The following CFAP20DC variants were observed in gnomAD, a reference collection of about 807,000 sequenced individuals.
The protein encoded by CFAP20DC is CFAP20 domain containing.
Under a neutral mutation model 101.7 loss-of-function variants are expected in CFAP20DC, and 84 were observed. The ratio of observed to expected loss-of-function variants is 0.83; its 90% CI spans 0.69 to 0.99. The LOEUF (loss-of-function observed/expected upper bound fraction) is 0.99, where lower values mean the gene tolerates loss of function less well. CFAP20DC is among the 50% of genes least tolerant of loss of function. The pLI is 0.00. For missense variants in CFAP20DC, 1,007 were observed against 970.3 expected (o/e 1.04, Z -0.50); for synonymous variants, 359 against 351.2 (o/e 1.02, Z -0.25).
At position 58,863,098 on chromosome 3, in the gene CFAP20DC, A is replaced by G; in HGVS notation, c.1593+460T>C. On this transcript the variant is annotated intron_variant, in intron 12 of 16. Coordinates refer to ENST00000482387, the MANE Select transcript of CFAP20DC (RefSeq NM_001394063.1). This position sits in a 1 kb window ranked among gnomAD's most constrained non-coding sequence, Gnocchi z 5.9. ...ACAACTCTTCAAATTCTGGGACCAT[A>G]TGGAAAATAATGAGTCCTAATAGGT... 2 of 1,000,436 alleles carry G rather than the reference A, an allele frequency of 2.0e-6. No homozygotes were observed. Among genetic ancestry groups the G allele is most frequent in the Non-Finnish European group, 2.4e-6 (2 of 840,406 alleles). The allele number at this position is 1,000,436 out of a possible 1,614,324, so 62.0% of individuals were successfully genotyped here. A position where few individuals can be genotyped will look rare whatever the true frequency, so the allele number is the denominator to read the frequency against.
chr3:58,791,308 G>A (rs1479530937), intron 15 of CFAP20DC, among the ~76,000 whole-genome samples: 1 of 152,060 alleles, frequency 6.6e-6, no homozygotes, highest in Non-Finnish European at 1.5e-5. Flanking sequence ...AACATGTTAT[G>A]AGTATTATTT....
chr3:58,870,350 T>C, intron 7 of CFAP20DC, 41 bp from the exon 8 acceptor site: 1 of 1,590,702 alleles, frequency 6.3e-7, no homozygotes. Flanking sequence ...CATTAATGGG[T>C]GTAATGACAA....
chr3:58,938,026 G>A (rs1051680483), intron 4 of CFAP20DC, among the ~76,000 whole-genome samples: 10 of 152,118 alleles, frequency 6.6e-5, no homozygotes, highest in African/African-American at 2.2e-4. Context: ...CAGTCCTCCA[G>A]CCTATGAAAG....
chr3:59,046,493 G>A (rs1216695873), intron 2 of CFAP20DC, among the ~76,000 whole-genome samples, 171 bp from the exon 3 acceptor site: 1 of 152,148 alleles, frequency 6.6e-6, no homozygotes, highest in Non-Finnish European at 1.5e-5. Flanking sequence ...CTAGAATACG[G>A]AGGCATGGTG....
At chr3:58,983,345 C>T (rs547755287) in intron 4 of CFAP20DC, among the ~76,000 whole-genome samples, 1 of 152,208 alleles carries the variant, frequency 6.6e-6, no homozygotes. Flanking sequence ...ACTTTTTTGT[C>T]ATTTTAATTC....
intron 5 of CFAP20DC, among the ~76,000 whole-genome samples, chr3:58,917,155 T>C (rs778722357): frequency 2.6e-5 from 4 of 152,172 alleles, no homozygotes; most frequent in Non-Finnish European, 5.9e-5. Context: ...GTTTATGCTA[T>C]TTATTTCCAG....
intron 4 of CFAP20DC, among the ~76,000 whole-genome samples, chr3:59,027,457 T>C (rs1368795021): frequency 6.6e-6 from 1 of 152,120 alleles, no homozygotes; most frequent in Non-Finnish European, 1.5e-5. Context: ...AGGGTCTCAG[T>C]GTTTTCAACC....
chr3:58,905,311 T>C (rs1191810750), intron 6 of CFAP20DC, among the ~76,000 whole-genome samples: 4 of 152,230 alleles, frequency 2.6e-5, no homozygotes, highest in African/African-American at 9.6e-5. Context: ...CCCCTTGTTT[T>C]TCTCCTCTTT....
chr3:59,031,684 C>T (rs913631234), intron 4 of CFAP20DC, among the ~76,000 whole-genome samples: 2 of 152,104 alleles, frequency 1.3e-5, no homozygotes, highest in South Asian at 4.1e-4. Context: ...TTCTATCTAT[C>T]TTTTATCACC....
chr3:58,921,917 T>C (rs941636740), intron 5 of CFAP20DC, among the ~76,000 whole-genome samples: 15 of 152,258 alleles, frequency 9.9e-5, no homozygotes, highest in African/African-American at 3.1e-4. Flanking sequence ...TTATATCTTC[T>C]TCATCATTTA....
At chr3:58,890,644 G>A (rs1398715973) in intron 6 of CFAP20DC, among the ~76,000 whole-genome samples, 1 of 150,828 alleles carries the variant, frequency 6.6e-6, no homozygotes, top group Admixed American at 6.6e-5. Flanking sequence ...GTGGCTGCTG[G>A]GCGGAGGGGC....
At chr3:58,811,298 C>CA (rs1425797745) in intron 14 of CFAP20DC, among the ~76,000 whole-genome samples, 2 of 152,112 alleles carry the variant, frequency 1.3e-5, no homozygotes, top group East Asian at 3.9e-4. Context: ...TACCTGACTG[C>CA]AAAGTATACT....
At chr3:58,808,056 G>C (rs190897994) in intron 14 of CFAP20DC, among the ~76,000 whole-genome samples, 3 of 152,140 alleles carry the variant, frequency 2.0e-5, no homozygotes, top group African/African-American at 7.2e-5. Context: ...AAGAAATATG[G>C]GACTACGTGA....
rs545378264 is a variant in CFAP20DC, at chr3:58,937,656, G to A, written c.385C>T (p.Arg129Cys). 3.8e-6 allele frequency: 6 copies of A among 1,585,184 alleles called. No homozygotes were observed. Among genetic ancestry groups the A allele is most frequent in the East Asian group, 2.2e-5 (1 of 44,686 alleles). Residue 129 changes from arginine to cysteine, a missense_variant, in exon 5 of 17, where the codon CGT becomes TGT. Physicochemically the swap from Arg to Cys is radical, Grantham distance 180. Coordinates refer to ENST00000482387, the MANE Select transcript of CFAP20DC (RefSeq NM_001394063.1). ...HAKIPLFMIK[R>C]KIWCNLCIDL... is the part of the protein sequence containing the mutation. ...ATTCATGTGATACTTACAATTTTAC[G>A]TTTGATCATGAAGAGTGGAATTTTT...
rs1439478199 is a variant in CFAP20DC, at chr3:58,912,249, T to C, written c.550+1459A>G. On this transcript the variant is annotated intron_variant, in intron 6 of 16. Transcript: ENST00000482387. The surrounding 1 kb of genome is among the most constrained non-coding windows in gnomAD (Gnocchi z 4.4). ...TTTTAAAATATTAATCAGGTTATGA[T>C]TCACCTCCTATGATCTGATGTACAC... Among the ~76,000 whole-genome samples the C allele has an allele frequency of 6.6e-6, 1 of 152,150 alleles. No homozygotes were observed. Among genetic ancestry groups the C allele is most frequent in the Admixed American group, 6.6e-5 (1 of 15,254 alleles).
In CFAP20DC at chr3:58,912,999, C is replaced by T. The variant is rs958307987; in HGVS notation, c.550+709G>A. Among the ~76,000 whole-genome samples the T allele has an allele frequency of 6.6e-6, 1 of 152,080 alleles. No homozygotes were observed. The highest frequency in any genetic ancestry group is 1.5e-5 in the Non-Finnish European group (1 of 68,000). Reference sequence around the variant, plus strand: ...TTTCCCACACAATGAGTCCTGCCTCCTTAGTCAGGAATCAGACATTGCTTT... The same window carrying T: ...TTTCCCACACAATGAGTCCTGCCTCTTTAGTCAGGAATCAGACATTGCTTT... On this transcript the variant is annotated intron_variant, in intron 6 of 16. Transcript: ENST00000482387. The surrounding 1 kb of genome is among the most constrained non-coding windows in gnomAD (Gnocchi z 4.4).
intron 6 of CFAP20DC, among the ~76,000 whole-genome samples, chr3:58,888,597 C>T (rs2081870500): frequency 6.6e-6 from 1 of 152,092 alleles, no homozygotes; most frequent in South Asian, 2.1e-4. Flanking sequence ...GTGTGTTATC[C>T]TCCCTCCATG....
chr3:58,718,501 A>G (rs186109721), intron 3 of CFAP20DC, among the ~76,000 whole-genome samples: 1 of 152,232 alleles, frequency 6.6e-6, no homozygotes, highest in Non-Finnish European at 1.5e-5. Flanking sequence ...GGCACCTGGT[A>G]TATCAGAATT....
At chr3:58,848,059 C>T (rs2077866860) in intron 13 of CFAP20DC, among the ~76,000 whole-genome samples, 1 of 137,724 alleles carries the variant, frequency 7.3e-6, no homozygotes, top group African/African-American at 2.8e-5. Context: ...GGAGATATAC[C>T]TAATGCTAGA....
Sources: gnomAD v4.1 joint callset for allele counts (sites outside exome capture counted in the v4.1 genomes callset) on GRCh38, gnomAD v4.1.1 for gene constraint, Gnocchi (gnomAD v3.1) non-coding constraint, MANE v1.5 for transcripts, NCBI Gene and HGNC (gene_info 2026-07-23, HGNC 2026-07-21) for gene names.